Variants in ARAP2 observed in about 807,000 individuals in gnomAD.
ARAP2 encodes arf-GAP with Rho-GAP domain, ANK repeat and PH domain-containing protein 2.
ARAP2 carries 148 observed loss-of-function variants against 194.5 expected under a neutral mutation model. The observed-to-expected ratio is 0.76, with a 90% confidence interval of 0.67 to 0.87. The LOEUF (loss-of-function observed/expected upper bound fraction) is 0.87. Among genes scored for constraint, ARAP2 ranks in the 40% least tolerant of loss-of-function variants. ARAP2 has a pLI of 0.00. For missense variants in ARAP2, 2,128 were observed against 1,989.7 expected (o/e 1.07, Z -1.32); for synonymous variants, 695 against 683.5 (o/e 1.02, Z -0.26).
chr4:36,176,581 T>C (rs1737970465), intron 9 of ARAP2, among the ~76,000 whole-genome samples: 2 of 152,128 alleles, frequency 1.3e-5, no homozygotes, highest in South Asian at 4.1e-4. Flanking sequence ...TACAGATACA[T>C]GCAAATTATG....
In ARAP2 at chr4:36,166,659, C is replaced by CAA. The variant is rs34197719; in HGVS notation, c.1973+271_1973+272dup. 8.4e-5 allele frequency among the ~76,000 whole-genome samples: 12 copies of CAA among 143,292 alleles called. No homozygotes were observed. The South Asian group carries it at 2.2e-3, about 26-fold the overall frequency. The allele number at this position is 143,292 out of a possible 152,430, so 94.0% of individuals were successfully genotyped here. On this transcript the variant is annotated intron_variant, in intron 10 of 32. Coordinates refer to ENST00000303965, the MANE Select transcript of ARAP2 (RefSeq NM_015230.4). ...TGAGAAGGAATTTATCACATATTTT[C>CAA]AAAAAAAAAACATACACCATGCCTA... is the stretch of plus-strand genomic sequence containing the variant.
At chr4:36,056,328 C>T (rs1286023015) in intron 2 of ARAP2, among the ~76,000 whole-genome samples, 3 of 152,120 alleles carry the variant, frequency 2.0e-5, no homozygotes, top group Non-Finnish European at 2.9e-5. Flanking sequence ...GACTGTGACC[C>T]TTGAAGCTTA....
chr4:36,191,624 A>C (rs1409809126), intron 7 of ARAP2, among the ~76,000 whole-genome samples: 1 of 151,936 alleles, frequency 6.6e-6, no homozygotes, highest in Non-Finnish European at 1.5e-5. Context: ...TAAAGAAAAA[A>C]ATACTCAAAT....
chr4:36,085,912 G>A (rs1157066941), intron 28 of ARAP2, among the ~76,000 whole-genome samples: 1 of 151,948 alleles, frequency 6.6e-6, no homozygotes, highest in Non-Finnish European at 1.5e-5. Context: ...ACTGATCTTT[G>A]GATATTGATT....
chr4:36,025,219 T>C (rs1236465737), intron 5 of ARAP2, among the ~76,000 whole-genome samples: 3 of 152,198 alleles, frequency 2.0e-5, no homozygotes, highest in African/African-American at 4.8e-5. Context: ...CTTAGGAATA[T>C]TTTTAAACTT....
chr4:36,145,201 T>C (rs1438770143), intron 19 of ARAP2, among the ~76,000 whole-genome samples: 1 of 151,680 alleles, frequency 6.6e-6, no homozygotes, highest in Non-Finnish European at 1.5e-5. Context: ...GAAAAAAAAA[T>C]GGTTCTACCA....
At chr4:36,082,410 G>T in intron 29 of ARAP2, 124 bp from the exon 30 acceptor site, 2 of 930,388 alleles carry the variant, frequency 2.1e-6, no homozygotes, top group Non-Finnish European at 3.2e-6. Flanking sequence ...TCCACAAGTG[G>T]TGATTCAATG....
intron 32 of ARAP2, among the ~76,000 whole-genome samples, chr4:36,069,201 CAG>C (rs1267259007): frequency 6.6e-6 from 1 of 152,022 alleles, no homozygotes; most frequent in Non-Finnish European, 1.5e-5. Flanking sequence ...AAATTTATAA[CAG>C]AAAATTCAAG....
At chr4:36,014,350 GA>G in intron 8 of ARAP2, among the ~76,000 whole-genome samples, 1 of 138,768 alleles carries the variant, frequency 7.2e-6, no homozygotes, top group Non-Finnish European at 1.5e-5. Flanking sequence ...AAGAAAGAAA[GA>G]AAGAAAGAAA....
Position 36,055,692 on chromosome 4 carries a change from G to C in ARAP2, n.321+2278C>G, listed in dbSNP as rs146721555. On this transcript the variant is annotated intron_variant and non_coding_transcript_variant, in intron 2 of 12. Transcript: ENST00000503225. ...GATTCTCCTACCTCAACCTCCCAAGGAGCTGGGATTACAGGCATGTACCAC... is the reference window on the plus strand; with the variant it reads ...GATTCTCCTACCTCAACCTCCCAAGCAGCTGGGATTACAGGCATGTACCAC... Among the ~76,000 whole-genome samples the C allele has an allele frequency of 7.7e-3, 1,165 of 151,944 alleles. 23 individuals are homozygous for C. Among genetic ancestry groups the C allele is most frequent in the African/African-American group, 0.027 (1,108 of 41,428 alleles).
intron 31 of ARAP2, among the ~76,000 whole-genome samples, chr4:36,075,071 A>G (rs1051234687): frequency 1.3e-5 from 2 of 152,166 alleles, no homozygotes; most frequent in Non-Finnish European, 2.9e-5. Flanking sequence ...TTTATGACAC[A>G]GTACCAAACA....
intron 8 of ARAP2, among the ~76,000 whole-genome samples, chr4:36,184,192 C>T (rs1174990041): frequency 6.6e-6 from 1 of 152,044 alleles, no homozygotes; most frequent in Admixed American, 6.5e-5. Context: ...ATTAATAACA[C>T]TTTATTAAGT....
At chr4:36,186,464 G>A (rs1264284233) in intron 8 of ARAP2, among the ~76,000 whole-genome samples, 2 of 152,194 alleles carry the variant, frequency 1.3e-5, no homozygotes, top group African/African-American at 4.8e-5. Flanking sequence ...TATAAAAGAT[G>A]CTCCAAAATC....
intron 27 of ARAP2, among the ~76,000 whole-genome samples, chr4:36,104,037 A>T (rs1717723423): frequency 6.6e-6 from 1 of 151,990 alleles, no homozygotes; most frequent in Admixed American, 6.6e-5. Context: ...ACAGACAGAA[A>T]TTATAAATGT....
At chr4:36,222,033 C>G (rs1221508418) in intron 2 of ARAP2, among the ~76,000 whole-genome samples, 1 of 152,060 alleles carries the variant, frequency 6.6e-6, no homozygotes, top group Non-Finnish European at 1.5e-5. Flanking sequence ...TACCAGTTAT[C>G]CTGAAAACTG....
Position 36,177,947 on chromosome 4 carries a change from G to A in ARAP2, c.1737C>T (p.Thr579=). The part of the protein sequence containing the change: ...LLNALKSQSL[T]SQSQAVVTPE... ...GTGTAACAACAGCTTGAGACTGCGAGGTAAGGGATTGTGATTTCAGTGCAT... is the reference window on the plus strand; with the variant it reads ...GTGTAACAACAGCTTGAGACTGCGAAGTAAGGGATTGTGATTTCAGTGCAT... Residue 579 remains threonine (T), a synonymous_variant, in exon 9 of 33, where the codon ACC becomes ACT. Transcript: ENST00000303965. 1 of 1,613,308 alleles carries A rather than the reference G, an allele frequency of 6.2e-7. No homozygotes were observed. The highest frequency in any genetic ancestry group is 8.5e-7 in the Non-Finnish European group (1 of 1,179,636).
chr4:36,119,894 A>AGT (rs1722284542), intron 23 of ARAP2, among the ~76,000 whole-genome samples, 176 bp from the exon 24 acceptor site: 1 of 151,460 alleles, frequency 6.6e-6, no homozygotes, highest in Non-Finnish European at 1.5e-5. Context: ...AACAAGATAG[A>AGT]GTATCCTAAA....
intron 8 of ARAP2, 90 bp from the exon 9 acceptor site, chr4:36,178,095 C>T: frequency 8.8e-7 from 1 of 1,135,238 alleles, no homozygotes; most frequent in South Asian, 1.7e-5. Flanking sequence ...CCCTTTGCAA[C>T]ACATAAGTGA....
At chr4:36,209,443 A>G in intron 6 of ARAP2, 1 of 431,744 alleles carries the variant, frequency 2.3e-6, no homozygotes, top group Non-Finnish European at 4.6e-6. Context: ...ATAAGGTATT[A>G]ACATATAATT....
Sources: allele counts gnomAD v4.1 joint callset (sites outside exome capture counted in the v4.1 genomes callset), GRCh38; gene constraint gnomAD v4.1.1; transcripts MANE v1.5; gene names NCBI Gene and HGNC (gene_info 2026-07-23, HGNC 2026-07-21).